The following MMP15 variants were observed in gnomAD, a reference collection of about 807,000 sequenced individuals.
MMP15 encodes matrix metalloproteinase-15.
MMP15 carries 36 observed loss-of-function variants against 65.0 expected under a neutral mutation model. The ratio of observed to expected loss-of-function variants is 0.55; its 90% CI spans 0.42 to 0.73. The LOEUF is 0.73. MMP15 is among the 30% of genes least tolerant of loss of function. The probability of loss-of-function intolerance (pLI) is 0.00; values close to 1 mark genes in which losing one functional copy is unlikely to be tolerated. For missense variants in MMP15, 870 were observed against 987.8 expected, an observed-to-expected ratio of 0.88 and a Z score of 1.60; for synonymous variants, 428 against 410.2, an observed-to-expected ratio of 1.04 and a Z score of -0.52.
rs1959354189 is a variant in MMP15 at position 58,037,467 on chromosome 16, T to C, written c.163-5T>C. 1 of 1,613,494 alleles carries C rather than the reference T, an allele frequency of 6.2e-7. No individual in the cohort carries two copies. The highest frequency in any genetic ancestry group is 1.7e-5 in the Admixed American group (1 of 59,956). On this transcript the variant is annotated splice_region_variant and splice_polypyrimidine_tract_variant and intron_variant, in intron 1 of 9. Coordinates refer to ENST00000219271, the MANE Select transcript of MMP15 (RefSeq NM_002428.4). ...CCTGCTGACAGAGTTGCGGCTTCTT[T>C]GCAGAACTGGCTGCGGCTTTATGGC...
In MMP15 at chr16:58,026,246, CCGCGGCG is replaced by C; in HGVS notation, c.-101_-95del. The C allele has an allele frequency of 3.3e-6, 4 of 1,196,084 alleles. No homozygotes were observed. Among genetic ancestry groups the C allele is most frequent in the Non-Finnish European group, 4.2e-6 (4 of 954,136 alleles). 74.1% of individuals were successfully genotyped at this position (1,196,084 alleles called of 1,614,324 possible). A position where few individuals can be genotyped will look rare whatever the true frequency, so the allele number is the denominator to read the frequency against. ...CCGGCGGGGACCGGGAGCCCGAGGT[CCGCGGCG>C]CGCCTGCCGGGCCAGGAGCCAGGGA... On this transcript the variant is annotated 5_prime_UTR_variant, in exon 1 of 10. Coordinates refer to ENST00000219271, the MANE Select transcript of MMP15 (RefSeq NM_002428.4).
chr16:58,040,595 C>T lies in MMP15; in HGVS notation c.807C>T (p.His269=). The T allele has an allele frequency of 1.2e-6, 2 of 1,614,150 alleles. No homozygotes were observed. The highest frequency in any genetic ancestry group is 2.2e-5 in the South Asian group (2 of 91,078). The change falls in exon 5 of 10, where the codon CAC becomes CAT. Residue 269 remains histidine, a synonymous_variant. Transcript: ENST00000219271. ...TGGGCCACGCGCTGGGGCTGGAGCA[C>T]TCCAGCAACCCCAATGCCATCATGG... ...HELGHALGLE[H]SSNPNAIMAP...
chr16:58,036,799 T>C (rs1401359359), intron 1 of MMP15, among the ~76,000 whole-genome samples: 2 of 152,224 alleles, frequency 1.3e-5, no homozygotes. Context: ...CTGAATCCTT[T>C]TGGGTCCTTG....
chr16:58,035,971 T>A (rs1400172922), intron 1 of MMP15, among the ~76,000 whole-genome samples: 1 of 152,146 alleles, frequency 6.6e-6, no homozygotes, highest in Non-Finnish European at 1.5e-5. Flanking sequence ...GCCTGAGGTA[T>A]TAGATGTAAC....
At chr16:58,035,768 T>C (rs535139056) in intron 1 of MMP15, among the ~76,000 whole-genome samples, 16 of 152,212 alleles carry the variant, frequency 1.1e-4, no homozygotes, top group Admixed American at 1.0e-3. Context: ...GTTTCCCGGG[T>C]CCTGAGAGGC....
intron 1 of MMP15, among the ~76,000 whole-genome samples, chr16:58,028,369 G>A (rs935154330): frequency 1.3e-5 from 2 of 152,322 alleles, no homozygotes; most frequent in African/African-American, 2.4e-5. Context: ...AAGAGACCCC[G>A]GAAGGTTTAA....
chr16:58,045,069 G>A lies in MMP15; in HGVS notation c.1633G>A (p.Glu545Lys). The A allele has an allele frequency of 6.2e-7, 1 of 1,613,298 alleles. No individual in the cohort carries two copies. Among genetic ancestry groups the A allele is most frequent in the South Asian group, 1.1e-5 (1 of 91,052 alleles). Residue 545 changes from glutamate to lysine, a missense_variant, in exon 10 of 10, where the codon GAG (glutamate) becomes AAG (lysine). Physicochemically the swap from Glu to Lys is moderately conservative, Grantham distance 56. Coordinates refer to ENST00000219271, the MANE Select transcript of MMP15 (RefSeq NM_002428.4). ...WKFDNERLRM[E>K]PGYPKSILRD... ...ATTCGACAATGAGCGCCTGCGGATG[G>A]AGCCCGGCTACCCCAAGTCCATCCT...
Position 58,045,212 on chromosome 16 carries a change from C to G in MMP15, c.1776C>G (p.Gly592=). The G allele has an allele frequency of 6.3e-7, 1 of 1,595,698 alleles. No individual in the cohort carries two copies. The highest frequency in any genetic ancestry group is 8.5e-7 in the Non-Finnish European group (1 of 1,172,308). Residue 592 remains glycine, a synonymous_variant, in exon 10 of 10, where the codon GGC becomes GGG. Coordinates refer to ENST00000219271, the MANE Select transcript of MMP15 (RefSeq NM_002428.4). The part of the protein sequence containing the change: ...GAEPGADSAE[G]DVGDGDGDFG... ...AGCCCGGGGCGGACAGCGCAGAGGG[C>G]GACGTGGGGGATGGGGATGGGGACT...
intron 1 of MMP15, among the ~76,000 whole-genome samples, chr16:58,032,170 C>T (rs1176021069): frequency 6.6e-6 from 1 of 152,188 alleles, no homozygotes; most frequent in Non-Finnish European, 1.5e-5. Context: ...CTGCCCATGC[C>T]ACCTTTCTTT....
chr16:58,040,473 C>G, intron 4 of MMP15, 64 bp from the exon 5 acceptor site: 1 of 1,573,378 alleles, frequency 6.4e-7, no homozygotes, highest in Non-Finnish European at 8.6e-7. Flanking sequence ...CTGGAGGGTC[C>G]AGGGTGATTG....
intron 1 of MMP15, among the ~76,000 whole-genome samples, chr16:58,028,265 G>A (rs548731674): frequency 6.6e-5 from 10 of 152,312 alleles, no homozygotes; most frequent in South Asian, 2.1e-4. Context: ...CCATGGTTGC[G>A]TTATCACAAA....
chr16:58,026,412 GGGA>G lies in MMP15; in HGVS notation c.68_70del (p.Glu23del), dbSNP rs1426379733. ...TGGACGGGCAGCCTCCTCGGCGACC[GGGA>G]GGAGGCGGCGCGGCCGCGACTGCTG... is the stretch of plus-strand genomic sequence containing the variant. On this transcript the variant is annotated inframe_deletion, in exon 1 of 10. Coordinates refer to ENST00000219271, the MANE Select transcript of MMP15 (RefSeq NM_002428.4). 1 of 1,436,470 alleles carries G rather than the reference GGGA, an allele frequency of 7.0e-7. No homozygotes were observed. The highest frequency in any genetic ancestry group is 1.4e-5 in the South Asian group (1 of 71,102). 89.0% of individuals were successfully genotyped at this position (1,436,470 alleles called of 1,614,324 possible). A position where few individuals can be genotyped will look rare whatever the true frequency, so the allele number is the denominator to read the frequency against.
Position 58,039,968 on chromosome 16 carries a change from C to A in MMP15, c.534C>A (p.Val178=). 1 of 1,613,930 alleles carries A rather than the reference C, an allele frequency of 6.2e-7. No individual in the cohort carries two copies. The highest frequency in any genetic ancestry group is 1.1e-5 in the South Asian group (1 of 91,082). Residue 178 remains valine (V), a synonymous_variant, in exon 4 of 10, where the codon GTC becomes GTA. Transcript: ENST00000219271. ...FRVWEQATPL[V]FQEVPYEDIR... ...TGTGGGAGCAGGCCACGCCCCTGGT[C>A]TTCCAGGAGGTGCCCTATGAGGACA...
chr16:58,044,508 G>A (rs1037922855), intron 9 of MMP15, among the ~76,000 whole-genome samples: 10 of 152,290 alleles, frequency 6.6e-5, no homozygotes, highest in African/African-American at 1.9e-4. Flanking sequence ...CTCTGCAGCC[G>A]CTCTGATCTC....
intron 1 of MMP15, among the ~76,000 whole-genome samples, chr16:58,029,389 T>C (rs1289871416): frequency 6.6e-6 from 1 of 152,206 alleles, no homozygotes; most frequent in African/African-American, 2.4e-5. Flanking sequence ...AAAAGGGAGT[T>C]AATAGCGGGG....
rs763285357 is a variant in MMP15 at position 58,043,587 on chromosome 16, C to G, written c.1530C>G (p.Ile510Met). The G allele has an allele frequency of 1.8e-5, 29 of 1,613,356 alleles. No homozygotes were observed. Among genetic ancestry groups the G allele is most frequent in the Non-Finnish European group, 1.7e-6 (2 of 1,179,762 alleles). ...AGCCCATCAGTGTCTGGCAGGGGAT[C>G]CCTGCCTCCCCTAAAGGGGCCTTCC... Reference protein sequence around the residue: ...YPKPISVWQGIPASPKGAFLS... With the variant: ...YPKPISVWQGMPASPKGAFLS... The change falls in exon 9 of 10, where the codon ATC (isoleucine) becomes ATG (methionine). Residue 510 changes from isoleucine (I) to methionine (M), a missense_variant. Transcript: ENST00000219271.
rs748705385 is a variant in MMP15, at chr16:58,041,840, C to A, written c.1134C>A (p.Ala378=). 1.9e-6 allele frequency: 3 copies of A among 1,604,948 alleles called. No homozygotes were observed. Among genetic ancestry groups the A allele is most frequent in the Non-Finnish European group, 8.5e-7 (1 of 1,176,266 alleles). The stretch of plus-strand genomic sequence containing the variant: ...GCGACGGGGACTTTGACACAGTGGC[C>A]ATGCTTCGCGGGGAGATGTTCGTGT... ...NICDGDFDTV[A]MLRGEMFVFK... is the part of the protein sequence containing the mutation. Residue 378 remains alanine (A), a synonymous_variant, in exon 6 of 10, where the codon GCC becomes GCA. Transcript: ENST00000219271.
At chr16:58,042,402 G>A (rs746579469) in intron 7 of MMP15, 33 bp downstream of exon 7, 14 of 1,609,562 alleles carry the variant, frequency 8.7e-6, no homozygotes, top group Non-Finnish European at 1.1e-5. Context: ...GGTTGGGCAC[G>A]CCTCCTGCCA....
chr16:58,033,025 G>A (rs991031149), intron 1 of MMP15, among the ~76,000 whole-genome samples: 16 of 152,062 alleles, frequency 1.1e-4, no homozygotes, highest in Non-Finnish European at 2.1e-4. Flanking sequence ...CGGCTGGGGC[G>A]GCTGCAGCAG....
Sources: gnomAD v4.1 joint callset for allele counts (sites outside exome capture counted in the v4.1 genomes callset) on GRCh38, gnomAD v4.1.1 for gene constraint, MANE v1.5 for transcripts, NCBI Gene and HGNC (gene_info 2026-07-23, HGNC 2026-07-21) for gene names.